The following MATK variants were observed in gnomAD, a reference collection of about 807,000 sequenced individuals.
The protein encoded by MATK is megakaryocyte-associated tyrosine-protein kinase.
In MATK, 41 loss-of-function variants were observed where a neutral mutation model predicts 59.8. The ratio of observed to expected loss-of-function variants is 0.69; its 90% CI spans 0.53 to 0.89. The LOEUF (loss-of-function observed/expected upper bound fraction) is 0.89, where lower values mean the gene tolerates loss of function less well. MATK is among the 40% of genes least tolerant of loss of function. The probability of loss-of-function intolerance (pLI) is 0.00; values close to 1 mark genes in which losing one functional copy is unlikely to be tolerated. For missense variants in MATK, 593 were observed against 719.6 expected, an observed-to-expected ratio of 0.82 and a Z score of 2.01; for synonymous variants, 308 against 306.1, an observed-to-expected ratio of 1.01 and a Z score of -0.06.
At chr19:3,781,271 G>A (rs1396938214) in intron 8 of MATK, among the ~76,000 whole-genome samples, 2 of 152,052 alleles carry the variant, frequency 1.3e-5, no homozygotes, top group African/African-American at 4.8e-5. Flanking sequence ...AGAGTCTGCC[G>A]ACCCCTGATC....
At chr19:3,791,128 C>T (rs1163666129), upstream of MATK, among the ~76,000 whole-genome samples, 1 of 152,124 alleles carries the variant, frequency 6.6e-6, no homozygotes, top group Non-Finnish European at 1.5e-5. Flanking sequence ...ATTCTTAATA[C>T]TCAAAATAGT....
In MATK at chr19:3,794,785, T is replaced by A. The variant is rs16989649; in HGVS notation, c.-57-5381A>T. ...GATCCCTCTTCATCCTCTCATGACC[T>A]CATGCTCTAACTCAGGGCCCAGCAA... On this transcript the variant is annotated intron_variant, in intron 1 of 13. Coordinates refer to the MATK transcript ENST00000395045. Among the ~76,000 whole-genome samples, 1,368 of 152,178 alleles carry A rather than the reference T, an allele frequency of 9.0e-3. 21 individuals carry two copies. The highest frequency in any genetic ancestry group is 0.031 in the African/African-American group (1,308 of 41,528).
chr19:3,797,230 T>TCC (rs774112234), intron 1 of MATK, among the ~76,000 whole-genome samples: 6 of 82,874 alleles, frequency 7.2e-5, no homozygotes, highest in South Asian at 5.9e-4. Context: ...TTGCCTACCT[T>TCC]CCCCCCCACC....
upstream of MATK, among the ~76,000 whole-genome samples, chr19:3,788,119 T>TATATG (rs1331638990): frequency 6.8e-6 from 1 of 146,716 alleles, no homozygotes; most frequent in Non-Finnish European, 1.5e-5. Flanking sequence ...TATATTATAT[T>TATATG]ATATTATATT....
chr19:3,796,606 C>T (rs371314546), intron 1 of MATK, among the ~76,000 whole-genome samples: 17 of 152,212 alleles, frequency 1.1e-4, no homozygotes, highest in African/African-American at 4.1e-4. Context: ...GACTCTTTCC[C>T]CCAGCCTCTC....
chr19:3,779,883 C>T (rs191949322), intron 8 of MATK, 86 bp from the exon 9 acceptor site: 4 of 825,216 alleles, frequency 4.8e-6, no homozygotes, highest in South Asian at 2.7e-5. Flanking sequence ...CCGCTCACAC[C>T]GGTGCCCATG....
chr19:3,790,222 C>T (rs1269871541), upstream of MATK, among the ~76,000 whole-genome samples: 1 of 152,202 alleles, frequency 6.6e-6, no homozygotes, highest in Non-Finnish European at 1.5e-5. Context: ...CTAATGCTTC[C>T]TGCCAAGGAG....
Position 3,786,080 on chromosome 19 carries a change from G to T in MATK, c.-152+89C>A. ...GCACACACCGGCCCTTCCTGCGCAC[G>T]TCCCGGGCCCACCCCCGCCTAGAGC... On this transcript the variant is annotated intron_variant, in intron 1 of 13. Coordinates refer to ENST00000310132, the MANE Select transcript of MATK (RefSeq NM_139355.3). This position sits in a 1 kb window ranked among gnomAD's most constrained non-coding sequence, Gnocchi z 4.1. 1.9e-6 allele frequency: 1 copy of T among 521,684 alleles called. No homozygotes were observed. Among genetic ancestry groups the T allele is most frequent in the Non-Finnish European group, 2.5e-6 (1 of 405,864 alleles). 32.3% of individuals were successfully genotyped at this position (521,684 alleles called of 1,614,324 possible).
upstream of MATK, among the ~76,000 whole-genome samples, chr19:3,788,056 C>G (rs2037504870): frequency 1.3e-5 from 2 of 148,500 alleles, 1 homozygote; most frequent in Admixed American, 1.4e-4. Flanking sequence ...CACCATGGTG[C>G]CTGGTTAAAC....
chr19:3,783,049 G>A (rs2037422803), intron 7 of MATK, 77 bp downstream of exon 7: 6 of 1,429,030 alleles, frequency 4.2e-6, no homozygotes, highest in East Asian at 2.3e-5. Flanking sequence ...TCAGAGGTGC[G>A]GGGCCCCAGG....
Position 3,778,402 on chromosome 19 carries a change from C to T in MATK, c.1305G>A (p.Glu435=). The change falls in exon 14 of 14, where the codon GAG becomes GAA. Residue 435 remains glutamate, a synonymous_variant. Transcript: ENST00000310132. ...YPKMSLKEVS[E]AVEKGYRMEP... Reference sequence around the variant, plus strand: ...CCATGCGGTACCCCTTCTCCACGGCCTCCGACACCTCTTTCAGTGACTGCG... The same window carrying T: ...CCATGCGGTACCCCTTCTCCACGGCTTCCGACACCTCTTTCAGTGACTGCG... The T allele has an allele frequency of 6.2e-7, 1 of 1,612,898 alleles. No homozygotes were observed. The highest frequency in any genetic ancestry group is 1.1e-5 in the South Asian group (1 of 91,078).
chr19:3,788,066 C>A (rs994826133), upstream of MATK, among the ~76,000 whole-genome samples: 1 of 147,204 alleles, frequency 6.8e-6, no homozygotes, highest in Non-Finnish European at 1.5e-5. Context: ...CCTGGTTAAA[C>A]CATACTATTA....
chr19:3,786,311 T>G lies in MATK; in HGVS notation c.-294A>C. On this transcript the variant is annotated 5_prime_UTR_variant, in exon 1 of 14. Transcript: ENST00000310132. The surrounding 1 kb of genome is among the most constrained non-coding windows in gnomAD (Gnocchi z 4.1). ...TCCTCATTTTGGGGGCGAAGAAGGGTCGGGGAGTGGGGGAAAGCGGGAGGC... is the reference window on the plus strand; with the variant it reads ...TCCTCATTTTGGGGGCGAAGAAGGGGCGGGGAGTGGGGGAAAGCGGGAGGC... The G allele has an allele frequency of 3.0e-6, 3 of 984,306 alleles. No individual in the cohort carries two copies. Among genetic ancestry groups the G allele is most frequent in the Non-Finnish European group, 3.6e-6 (3 of 829,616 alleles). 61.0% of individuals were successfully genotyped at this position (984,306 alleles called of 1,614,324 possible). A position where few individuals can be genotyped will look rare whatever the true frequency, so the allele number is the denominator to read the frequency against.
At chr19:3,800,442 T>C (rs2037632926) in intron 1 of MATK, among the ~76,000 whole-genome samples, 2 of 151,968 alleles carry the variant, frequency 1.3e-5, no homozygotes, top group African/African-American at 4.8e-5. Context: ...GGTCAGGAGT[T>C]TGAGACCAGC....
chr19:3,786,473 C>A (rs528612309), upstream of MATK: 1 of 868,932 alleles, frequency 1.2e-6, no homozygotes, highest in Non-Finnish European at 1.4e-6. This position sits in a 1 kb window ranked among gnomAD's most constrained non-coding sequence, Gnocchi z 4.1. Flanking sequence ...GGGCGGGGTC[C>A]CGGGGCGCAC....
In MATK at chr19:3,784,563, G is replaced by C; in HGVS notation, c.133-112C>G. 3 of 739,202 alleles carry C rather than the reference G, an allele frequency of 4.1e-6. No individual in the cohort carries two copies. The South Asian group carries it at 5.2e-5, about 13-fold the overall frequency. The allele number at this position is 739,202 out of a possible 1,614,324, so 45.8% of individuals were successfully genotyped here. On this transcript the variant is annotated intron_variant, in intron 3 of 13. Transcript: ENST00000310132. ...GGAGAAAGGTATAGAGATTGGAAAA[G>C]AGCGGAGAGGCAGAGAAAACAGACG...
chr19:3,784,274 G>A, intron 4 of MATK, 35 bp from the exon 5 acceptor site: 2 of 1,599,638 alleles, frequency 1.3e-6, no homozygotes, highest in East Asian at 2.2e-5. Flanking sequence ...AGTGTGGGGG[G>A]TGTGGGGGTG....
chr19:3,797,597 T>C (rs1367976278), intron 1 of MATK, among the ~76,000 whole-genome samples: 1 of 151,972 alleles, frequency 6.6e-6, no homozygotes, highest in Non-Finnish European at 1.5e-5. Flanking sequence ...CTGTCAGAGT[T>C]TTAATTTCCA....
At chr19:3,786,864 C>A (rs1424348884), upstream of MATK, among the ~76,000 whole-genome samples, 2 of 152,132 alleles carry the variant, frequency 1.3e-5, no homozygotes, top group Non-Finnish European at 2.9e-5. This position sits in a 1 kb window ranked among gnomAD's most constrained non-coding sequence, Gnocchi z 4.1. Flanking sequence ...CGGATGCAAA[C>A]TTCTTAGAGC....
Sources: allele counts gnomAD v4.1 joint callset (sites outside exome capture counted in the v4.1 genomes callset), GRCh38; gene constraint gnomAD v4.1.1; non-coding constraint Gnocchi (gnomAD v3.1); transcripts MANE v1.5; gene names NCBI Gene and HGNC (gene_info 2026-07-23, HGNC 2026-07-21).